SDHC: variants seen among roughly 807,000 people sequenced by gnomAD.
SDHC encodes the protein succinate dehydrogenase cytochrome b560 subunit, mitochondrial.
SDHC carries 11 observed loss-of-function variants against 22.6 expected under a neutral mutation model. The observed-to-expected ratio is 0.49, with a 90% confidence interval of 0.31 to 0.81. The LOEUF (loss-of-function observed/expected upper bound fraction) is 0.81. SDHC is among the 30% of genes least tolerant of loss of function. SDHC has a pLI of 0.05. For synonymous variants in SDHC, 80 were observed against 77.8 expected (o/e 1.03, Z -0.15); for missense variants, 160 against 212.0 (o/e 0.75, Z 1.52).
intron 4 of SDHC, among the ~76,000 whole-genome samples, chr1:161,355,482 T>G (rs1672238457): frequency 6.6e-6 from 1 of 152,254 alleles, no homozygotes; most frequent in Non-Finnish European, 1.5e-5. Context: ...GTTTTTTCTT[T>G]TGTCATTTAT....
chr1:161,327,167 C>T (rs773819183), intron 2 of SDHC, among the ~76,000 whole-genome samples: 7 of 151,890 alleles, frequency 4.6e-5, no homozygotes, highest in Admixed American at 2.6e-4. Flanking sequence ...GGGCTCAAGC[C>T]GTCTGCCCAC....
chr1:161,329,022 C>T (rs558666094), intron 3 of SDHC, among the ~76,000 whole-genome samples: 1 of 152,208 alleles, frequency 6.6e-6, no homozygotes, highest in South Asian at 2.1e-4. Flanking sequence ...ATTCTCCTGC[C>T]TCAGCCTCCC....
chr1:161,351,919 G>A (rs186036037), intron 4 of SDHC, among the ~76,000 whole-genome samples: 54 of 152,336 alleles, frequency 3.5e-4, no homozygotes, highest in African/African-American at 1.3e-3. Flanking sequence ...GTCTGAAAGA[G>A]CTTATGATGA....
intron 3 of SDHC, among the ~76,000 whole-genome samples, chr1:161,338,452 C>T (rs1385767576): frequency 6.6e-6 from 1 of 152,144 alleles, no homozygotes; most frequent in African/African-American, 2.4e-5. Context: ...TGAGCGTTAG[C>T]TTTCTTCAGA....
chr1:161,324,459 T>A (rs1670975893), intron 2 of SDHC, among the ~76,000 whole-genome samples: 2 of 152,254 alleles, frequency 1.3e-5, no homozygotes, highest in African/African-American at 2.4e-5. Context: ...TGTTATTTTT[T>A]AAAAACTTTT....
chr1:161,330,390 C>T (rs1671229373), intron 3 of SDHC, among the ~76,000 whole-genome samples: 1 of 152,184 alleles, frequency 6.6e-6, no homozygotes, highest in East Asian at 1.9e-4. Flanking sequence ...GTAGACATTC[C>T]TGCTCAAAAA....
intron 4 of SDHC, among the ~76,000 whole-genome samples, chr1:161,347,682 A>G (rs1487860037): frequency 1.3e-5 from 2 of 151,862 alleles, no homozygotes; most frequent in Non-Finnish European, 2.9e-5. Context: ...CCTGGCCAAC[A>G]TGGTGAAACC....
intron 2 of SDHC, 89 bp downstream of exon 2, chr1:161,323,759 G>T: frequency 1.0e-6 from 1 of 970,068 alleles, no homozygotes; most frequent in Non-Finnish European, 1.5e-6. Context: ...GCAATGGCGC[G>T]ATCTCGGCTC....
At chr1:161,322,445 T>C (rs1392535550) in intron 1 of SDHC, among the ~76,000 whole-genome samples, 1 of 152,230 alleles carries the variant, frequency 6.6e-6, no homozygotes, top group Non-Finnish European at 1.5e-5. Context: ...CTTTTTGACT[T>C]GAAATTCATT....
At chr1:161,347,445 TG>T (rs1671939034) in intron 4 of SDHC, among the ~76,000 whole-genome samples, 1 of 151,690 alleles carries the variant, frequency 6.6e-6, no homozygotes, top group African/African-American at 2.4e-5. Flanking sequence ...TTAGTAGAGT[TG>T]GGGTTTCAAC....
At chr1:161,318,727 A>G (rs777065954) in intron 1 of SDHC, among the ~76,000 whole-genome samples, 87 of 152,014 alleles carry the variant, frequency 5.7e-4, no homozygotes, top group Middle Eastern at 3.4e-3. Flanking sequence ...TGTGTCAGAC[A>G]TTATTATAGG....
chr1:161,323,753 T>TGG, intron 2 of SDHC, 83 bp downstream of exon 2: 1 of 1,048,066 alleles, frequency 9.5e-7, no homozygotes, highest in Non-Finnish European at 1.4e-6. Context: ...TGGAGTGCAA[T>TGG]GGCGCGATCT....
chr1:161,356,884 G>C (rs370283032), intron 5 of SDHC, 44 bp downstream of exon 5: 26 of 1,579,642 alleles, frequency 1.6e-5, no homozygotes, highest in Non-Finnish European at 2.3e-5. Flanking sequence ...TGAAGGGAGT[G>C]GGGAGACTGG....
At chr1:161,348,322 C>G (rs1671973669) in intron 4 of SDHC, among the ~76,000 whole-genome samples, 1 of 151,574 alleles carries the variant, frequency 6.6e-6, no homozygotes, top group African/African-American at 2.4e-5. Flanking sequence ...CCATGCCTGG[C>G]TAATTTTTGT....
intron 1 of SDHC, among the ~76,000 whole-genome samples, chr1:161,318,141 C>T (rs1195021887): frequency 6.6e-6 from 1 of 151,538 alleles, no homozygotes; most frequent in Admixed American, 6.6e-5. Context: ...CACTGCACTG[C>T]AGCCTGGGCA....
Position 161,314,412 on chromosome 1 carries a change from G to C in SDHC, c.7G>C (p.Ala3Pro). The C allele has an allele frequency of 6.2e-7, 1 of 1,613,406 alleles. No homozygotes were observed. The highest frequency in any genetic ancestry group is 1.1e-5 in the South Asian group (1 of 91,018). Residue 3 changes from alanine to proline, a missense_variant, in exon 1 of 6, where the codon GCG becomes CCG. Ala to Pro is a conservative substitution (Grantham distance 27). Transcript: ENST00000367975. ...GTCCAGACCGGAACCCAAGATGGCT[G>C]CGCTGTTGCTGAGGTGACTTCAGTG... MA[A>P]LLLRHVGRHC...
At chr1:161,360,367 C>T (rs933792428) in intron 5 of SDHC, among the ~76,000 whole-genome samples, 4 of 151,778 alleles carry the variant, frequency 2.6e-5, no homozygotes, top group African/African-American at 9.7e-5. Flanking sequence ...CTAGCCTGGG[C>T]AACGTGGCAA....
chr1:161,349,207 A>G (rs1672014692), intron 4 of SDHC, among the ~76,000 whole-genome samples: 1 of 152,214 alleles, frequency 6.6e-6, no homozygotes, highest in Non-Finnish European at 1.5e-5. Flanking sequence ...TCACGCTTGT[A>G]AACCCCGCAC....
At chr1:161,319,651 C>T (rs66535289) in intron 1 of SDHC, among the ~76,000 whole-genome samples, 14,402 of 151,892 alleles carry the variant, frequency 0.095, 975 homozygotes, top group Non-Finnish European at 0.13. Flanking sequence ...TTCACCATGT[C>T]GGCCAGGCTT....
Sources: gnomAD v4.1 joint callset for allele counts (sites outside exome capture counted in the v4.1 genomes callset) on GRCh38, gnomAD v4.1.1 for gene constraint, MANE v1.5 for transcripts, NCBI Gene and HGNC (gene_info 2026-07-23, HGNC 2026-07-21) for gene names.